GRM7: variants seen among roughly 807,000 people sequenced by gnomAD.
GRM7 encodes glutamate metabotropic receptor 7.
GRM7 carries 35 observed loss-of-function variants against 84.5 expected under a neutral mutation model. The observed-to-expected ratio is 0.41, with a 90% CI of 0.32 to 0.55. The LOEUF is 0.55. Among genes scored for constraint, GRM7 ranks in the 20% least tolerant of loss-of-function variants. The pLI, the probability that GRM7 is intolerant of heterozygous loss-of-function variation, is 0.19. For missense variants in GRM7, 1,003 were observed against 1,194.6 expected (o/e 0.84, Z 2.36); for synonymous variants, 487 against 455.1 (o/e 1.07, Z -0.89).
chr3:6,901,304 A>G (rs1185473365), intron 1 of GRM7, among the ~76,000 whole-genome samples: 1 of 152,184 alleles, frequency 6.6e-6, no homozygotes, highest in Non-Finnish European at 1.5e-5. Context: ...TTTAGCAATA[A>G]GAAGATTTAT....
At chr3:7,125,132 G>A (rs1007211421) in intron 1 of GRM7, among the ~76,000 whole-genome samples, 37 of 152,228 alleles carry the variant, frequency 2.4e-4, no homozygotes, top group African/African-American at 8.4e-4. Context: ...TAGATATGGG[G>A]TTTCGCCTTG....
chr3:7,463,271 G>A (rs887085607), intron 7 of GRM7, among the ~76,000 whole-genome samples: 1 of 152,212 alleles, frequency 6.6e-6, no homozygotes, highest in African/African-American at 2.4e-5. Flanking sequence ...ATCCGTAAGA[G>A]TTCCCAAGTA....
chr3:7,165,144 GT>G (rs1352323228), intron 2 of GRM7, among the ~76,000 whole-genome samples: 1 of 152,204 alleles, frequency 6.6e-6, no homozygotes, highest in Non-Finnish European at 1.5e-5. Context: ...CATTTTCCAA[GT>G]TTGTCTGTTT....
intron 4 of GRM7, among the ~76,000 whole-genome samples, chr3:7,361,914 G>C (rs1188656896): frequency 6.6e-6 from 1 of 152,064 alleles, no homozygotes. Context: ...ATTAATTCAA[G>C]ATTGGGAACC....
In GRM7 at chr3:7,395,081, C is replaced by T. The variant is rs74451834; in HGVS notation, c.1034-19942C>T. On this transcript the variant is annotated intron_variant, in intron 4 of 9. Coordinates refer to ENST00000357716, the MANE Select transcript of GRM7 (RefSeq NM_000844.4). ...AGTTATAAGCGTATCTTATAACTTA[C>T]AAATTATAGCTGGAGATTCAGTTCC... Among the ~76,000 whole-genome samples, 612 of 150,798 alleles carry T rather than the reference C, an allele frequency of 4.1e-3. 3 individuals carry two copies. Among genetic ancestry groups the T allele is most frequent in the African/African-American group, 0.014 (556 of 41,160 alleles).
chr3:6,991,103 C>A (rs911367284), intron 1 of GRM7, among the ~76,000 whole-genome samples: 3 of 152,200 alleles, frequency 2.0e-5, no homozygotes, highest in African/African-American at 4.8e-5. Context: ...CATGCACACA[C>A]ACACACGGAT....
At chr3:7,600,621 G>A (rs1696264745) in intron 8 of GRM7, among the ~76,000 whole-genome samples, 1 of 152,234 alleles carries the variant, frequency 6.6e-6, no homozygotes, top group South Asian at 2.1e-4. Flanking sequence ...CTGGGCATCA[G>A]TTTCCCCATC....
At chr3:7,154,514 G>A (rs1474264812) in intron 2 of GRM7, among the ~76,000 whole-genome samples, 1 of 152,122 alleles carries the variant, frequency 6.6e-6, no homozygotes, top group African/African-American at 2.4e-5. Flanking sequence ...AGATCTGAAG[G>A]TGAAGTGAAC....
At chr3:6,932,235 G>A (rs924130063) in intron 1 of GRM7, among the ~76,000 whole-genome samples, 1 of 152,112 alleles carries the variant, frequency 6.6e-6, no homozygotes, top group Non-Finnish European at 1.5e-5. Context: ...AAATATAAAG[G>A]ATACTTTGCC....
chr3:7,690,123 A>G (rs1408518903), intron 9 of GRM7, among the ~76,000 whole-genome samples: 3 of 152,152 alleles, frequency 2.0e-5, no homozygotes, highest in Admixed American at 1.3e-4. Flanking sequence ...AGAATGTGAC[A>G]TGTTCTGGTA....
At chr3:7,226,387 T>G (rs1233423084) in intron 2 of GRM7, among the ~76,000 whole-genome samples, 1 of 152,152 alleles carries the variant, frequency 6.6e-6, no homozygotes, top group Non-Finnish European at 1.5e-5. Context: ...CTCTGGCTTT[T>G]TACCGCATGT....
chr3:7,622,026 G>A (rs1697384583), intron 8 of GRM7, among the ~76,000 whole-genome samples: 1 of 152,126 alleles, frequency 6.6e-6, no homozygotes, highest in Admixed American at 6.6e-5. Context: ...TTATCTCTCA[G>A]CATTCGCAGT....
rs546655932 is a variant in GRM7, at chr3:7,461,721, A to G, written c.1514A>G (p.Asn505Ser). ...CAGTGGACAGACGAACTTCAGCTCAATGTGAGTTCTGCTTGCTTCTCTTCT... is the reference window on the plus strand; with the variant it reads ...CAGTGGACAGACGAACTTCAGCTCAGTGTGAGTTCTGCTTGCTTCTCTTCT... ...IGQWTDELQL[N>S]IEDMQWGKGV... Residue 505 changes from asparagine to serine, a missense_variant and splice_region_variant, in exon 7 of 10, where the codon AAT (asparagine) becomes AGT (serine). By Grantham distance (46) the Asn-to-Ser change is conservative (BLOSUM62 1). This residue lies in a region of GRM7 where 910 missense variants were observed against 1,126.0 expected (regional missense o/e 0.81). Coordinates refer to ENST00000357716, the MANE Select transcript of GRM7 (RefSeq NM_000844.4). 76 of 1,613,662 alleles carry G rather than the reference A, an allele frequency of 4.7e-5. No homozygotes were observed. In the South Asian group the frequency reaches 7.8e-4, roughly 17 times the overall value.
At chr3:7,109,275 C>G (rs867902511) in intron 1 of GRM7, among the ~76,000 whole-genome samples, 1 of 152,052 alleles carries the variant, frequency 6.6e-6, no homozygotes. Context: ...TCAAGAAAAA[C>G]TACAAAGATA....
At chr3:7,473,979 T>C (rs1260349037) in intron 7 of GRM7, among the ~76,000 whole-genome samples, 1 of 152,188 alleles carries the variant, frequency 6.6e-6, no homozygotes, top group Non-Finnish European at 1.5e-5. Context: ...GCAGGGGATT[T>C]GTTCTGAGGA....
chr3:7,030,091 T>G (rs1035748270), intron 1 of GRM7, among the ~76,000 whole-genome samples: 1 of 151,968 alleles, frequency 6.6e-6, no homozygotes, highest in African/African-American at 2.4e-5. Flanking sequence ...TGTCCATAGA[T>G]AAAATATACC....
intron 3 of GRM7, among the ~76,000 whole-genome samples, chr3:7,304,709 T>A (rs1447500831): frequency 6.6e-6 from 1 of 152,124 alleles, no homozygotes; most frequent in African/African-American, 2.4e-5. Context: ...CCAATTTAAT[T>A]TTCATTTCAT....
intron 8 of GRM7, among the ~76,000 whole-genome samples, chr3:7,598,656 T>A (rs1183115056): frequency 6.6e-6 from 1 of 152,208 alleles, no homozygotes; most frequent in East Asian, 1.9e-4. Flanking sequence ...ATTAATTTTT[T>A]AAAAATTGCC....
chr3:7,295,080 C>G (rs953295722), intron 2 of GRM7, among the ~76,000 whole-genome samples: 1 of 152,118 alleles, frequency 6.6e-6, no homozygotes, highest in African/African-American at 2.4e-5. Context: ...AACTCATTGC[C>G]AAACCCAAGG....
Sources: allele counts gnomAD v4.1 joint callset (sites outside exome capture counted in the v4.1 genomes callset), GRCh38; gene constraint gnomAD v4.1.1; regional missense constraint gnomAD v4.1.1; transcripts MANE v1.5; gene names NCBI Gene and HGNC (gene_info 2026-07-23, HGNC 2026-07-21).